Variants in PSMA1 observed in about 807,000 individuals in gnomAD.
PSMA1 encodes proteasome 20S subunit alpha 1, also known as proteasome subunit alpha type-1.
In PSMA1, 3 loss-of-function variants were observed where a neutral mutation model predicts 38.4. That is an observed-to-expected ratio of 0.08 (90% CI 0.04 to 0.20). PSMA1 has a LOEUF of 0.20. PSMA1 is among the 10% of genes least tolerant of loss of function. The pLI is 1.00. For missense variants in PSMA1, 227 were observed against 325.3 expected (o/e 0.70, Z 2.32); for synonymous variants, 101 against 107.1 (o/e 0.94, Z 0.35).
At chr11:14,507,818 T>C (rs766039509) in intron 8 of PSMA1, 52 bp from the exon 9 acceptor site, 26 of 1,184,788 alleles carry the variant, frequency 2.2e-5, no homozygotes, top group Non-Finnish European at 3.2e-5. Flanking sequence ...GATGAAAAAA[T>C]ACATACGATA....
At chr11:14,566,778 G>A (rs78854818) in intron 2 of PSMA1, among the ~76,000 whole-genome samples, 5,504 of 152,196 alleles carry the variant, frequency 0.036, 133 homozygotes, top group Non-Finnish European at 0.056. Context: ...CAGGAGCGCT[G>A]AGCAAACAGA....
chr11:14,590,979 GC>G (rs1208618942), intron 2 of PSMA1, among the ~76,000 whole-genome samples: 1 of 152,272 alleles, frequency 6.6e-6, no homozygotes, highest in African/African-American at 2.4e-5. Flanking sequence ...CACTTGAGGA[GC>G]CCTTCAGCCC....
intron 1 of PSMA1, among the ~76,000 whole-genome samples, chr11:14,622,382 A>C (rs1852857944): frequency 6.6e-6 from 1 of 152,244 alleles, no homozygotes; most frequent in South Asian, 2.1e-4. Context: ...ACTCTGAAGA[A>C]ATCTGGACTG....
At chr11:14,517,264 A>G (rs748762879) in intron 4 of PSMA1, among the ~76,000 whole-genome samples, 47 of 152,224 alleles carry the variant, frequency 3.1e-4, no homozygotes, top group Non-Finnish European at 5.6e-4. Flanking sequence ...CAAAAAATAA[A>G]TGTCTAATAA....
chr11:14,594,900 C>A (rs1224607055), intron 2 of PSMA1, among the ~76,000 whole-genome samples: 1 of 152,028 alleles, frequency 6.6e-6, no homozygotes, highest in Non-Finnish European at 1.5e-5. Context: ...CTAATGCTAT[C>A]CCTCCCCCAG....
intron 2 of PSMA1, among the ~76,000 whole-genome samples, chr11:14,602,424 C>T (rs1005497113): frequency 7.2e-5 from 11 of 151,874 alleles, no homozygotes; most frequent in African/African-American, 1.7e-4. Context: ...GGGTGGAGAG[C>T]TCTGGGCCAG....
chr11:14,598,454 G>A (rs557340997), intron 2 of PSMA1, among the ~76,000 whole-genome samples: 1 of 152,116 alleles, frequency 6.6e-6, no homozygotes, highest in East Asian at 1.9e-4. Context: ...TATATATTTA[G>A]GACAGTTAGC....
chr11:14,634,251 G>T (rs1853082796), intron 1 of PSMA1, among the ~76,000 whole-genome samples: 1 of 152,072 alleles, frequency 6.6e-6, no homozygotes, highest in African/African-American at 2.4e-5. Flanking sequence ...AAAAAGGTTG[G>T]GACTGCTGTT....
At position 14,517,989 on chromosome 11, in the gene PSMA1, A is replaced by C. The variant is rs1851462637; in HGVS notation, c.49-8T>G. The C allele has an allele frequency of 5.8e-6, 9 of 1,544,736 alleles. No homozygotes were observed. In the East Asian group the frequency reaches 2.0e-4, roughly 35 times the overall value. On this transcript the variant is annotated splice_region_variant and splice_polypyrimidine_tract_variant and intron_variant, in intron 2 of 9. Coordinates refer to ENST00000396394, the MANE Select transcript of PSMA1 (RefSeq NM_002786.4). Reference sequence around the variant, plus strand: ...AATTTGATGAATCCTGCCCTAAAGAAAAAAAAAACAAAAAACACACATCTT... The same window carrying C: ...AATTTGATGAATCCTGCCCTAAAGACAAAAAAAACAAAAAACACACATCTT...
intron 2 of PSMA1, among the ~76,000 whole-genome samples, chr11:14,570,043 T>C (rs756891063): frequency 6.6e-6 from 1 of 152,192 alleles, no homozygotes; most frequent in Non-Finnish European, 1.5e-5. Flanking sequence ...CAACATTTGC[T>C]GTTCTGCAAT....
At chr11:14,593,652 GA>G (rs1565053235) in intron 2 of PSMA1, among the ~76,000 whole-genome samples, 2 of 149,446 alleles carry the variant, frequency 1.3e-5, no homozygotes, top group Non-Finnish European at 2.9e-5. Context: ...GAGAGAGAGA[GA>G]GAGAGAGAGC....
At chr11:14,629,273 T>C (rs1223109369) in intron 1 of PSMA1, among the ~76,000 whole-genome samples, 1 of 152,032 alleles carries the variant, frequency 6.6e-6, no homozygotes, top group Non-Finnish European at 1.5e-5. Context: ...ATTGCCTAGG[T>C]TTTCTTCTAG....
intron 2 of PSMA1, among the ~76,000 whole-genome samples, chr11:14,551,119 C>T (rs561942789): frequency 6.6e-6 from 1 of 152,242 alleles, no homozygotes; most frequent in East Asian, 1.9e-4. Flanking sequence ...ATACATGCCG[C>T]AATTAACTAG....
At chr11:14,590,644 A>C (rs1852401924) in intron 2 of PSMA1, among the ~76,000 whole-genome samples, 1 of 152,098 alleles carries the variant, frequency 6.6e-6, no homozygotes, top group African/African-American at 2.4e-5. Context: ...CTTATCTGGG[A>C]ATGAGTTGGT....
chr11:14,531,829 C>A (rs1851650581), intron 2 of PSMA1, among the ~76,000 whole-genome samples: 1 of 152,124 alleles, frequency 6.6e-6, no homozygotes. Context: ...TCAGTAAGAT[C>A]CCTTCCTCTC....
At chr11:14,528,804 C>T (rs1851615379) in intron 2 of PSMA1, among the ~76,000 whole-genome samples, 1 of 152,122 alleles carries the variant, frequency 6.6e-6, no homozygotes, top group Non-Finnish European at 1.5e-5. Context: ...ACTTTGTAAT[C>T]TCCCCCACCC....
chr11:14,622,190 G>A (rs1249874273), intron 1 of PSMA1, among the ~76,000 whole-genome samples: 2 of 152,320 alleles, frequency 1.3e-5, no homozygotes, highest in East Asian at 3.9e-4. Context: ...GTGATTAATA[G>A]AACAGATTAA....
intron 1 of PSMA1, among the ~76,000 whole-genome samples, chr11:14,614,882 T>C (rs780558995): frequency 4.6e-5 from 7 of 152,216 alleles, no homozygotes; most frequent in Non-Finnish European, 1.0e-4. Flanking sequence ...GAGGGATCTT[T>C]TTCTAACTTA....
intron 2 of PSMA1, among the ~76,000 whole-genome samples, chr11:14,597,473 G>A (rs1050495639): frequency 6.6e-6 from 1 of 152,206 alleles, no homozygotes; most frequent in Admixed American, 6.5e-5. Context: ...TTAGTCTTGG[G>A]AGGGTGTATG....
Sources: allele counts gnomAD v4.1 joint callset (sites outside exome capture counted in the v4.1 genomes callset), GRCh38; gene constraint gnomAD v4.1.1; transcripts MANE v1.5; gene names NCBI Gene and HGNC (gene_info 2026-07-23, HGNC 2026-07-21).